CAPS2: variants seen among roughly 807,000 people sequenced by gnomAD.
The protein encoded by CAPS2 is calcyphosin-2.
A neutral mutation model predicts 86.5 loss-of-function variants in CAPS2; 98 were observed. That is an observed-to-expected ratio of 1.13 (90% CI 0.96 to 1.34). CAPS2 has a LOEUF of 1.34. Among genes scored for constraint, CAPS2 ranks in the 40% most tolerant of loss-of-function variants. The probability of loss-of-function intolerance (pLI) is 0.00; values close to 1 mark genes in which losing one functional copy is unlikely to be tolerated. For synonymous variants in CAPS2, 210 were observed against 225.1 expected (o/e 0.93, Z 0.60); for missense variants, 729 against 686.8 (o/e 1.06, Z -0.69).
chr12:75,349,133 G>A lies in CAPS2; in HGVS notation c.-394-25911C>T, dbSNP rs1030474219. 1.8e-4 allele frequency among the ~76,000 whole-genome samples: 27 copies of A among 152,226 alleles called. 1 individual carries two copies. The highest frequency in any genetic ancestry group is 1.0e-3 in the South Asian group (5 of 4,812). On this transcript the variant is annotated intron_variant, in intron 1 of 5. Coordinates refer to the CAPS2 transcript ENST00000551829. The stretch of plus-strand genomic sequence containing the variant: ...CTAGAGTATTGATTAACACATGCAC[G>A]TGAGGAAACAACTTCAGGCCAGGTT...
At chr12:75,375,577 C>G (rs1194495268) in intron 1 of CAPS2, among the ~76,000 whole-genome samples, 1 of 152,176 alleles carries the variant, frequency 6.6e-6, no homozygotes, top group East Asian at 1.9e-4. Flanking sequence ...TGGTTCAAGT[C>G]TGGAAACTGA....
intron 7 of CAPS2, chr12:75,305,631 A>G: frequency 1.6e-6 from 1 of 622,160 alleles, no homozygotes; most frequent in Non-Finnish European, 3.1e-6. Context: ...GCTCAGCAGC[A>G]GGCCGCGGAG....
At chr12:75,334,915 C>A (rs768312266), upstream of CAPS2, 1 of 1,609,816 alleles carries the variant, frequency 6.2e-7, no homozygotes, top group Non-Finnish European at 8.5e-7. Flanking sequence ...GAGAAAGAAC[C>A]AGGGCTGGGC....
At chr12:75,294,569 C>A (rs1001812651) in intron 11 of CAPS2, among the ~76,000 whole-genome samples, 1 of 152,236 alleles carries the variant, frequency 6.6e-6, no homozygotes, top group East Asian at 1.9e-4. Flanking sequence ...AAGTGCAGAA[C>A]CATCTCCTGT....
At chr12:75,288,791 G>A (rs1264037049) in intron 14 of CAPS2, among the ~76,000 whole-genome samples, 1 of 151,960 alleles carries the variant, frequency 6.6e-6, no homozygotes, top group African/African-American at 2.4e-5. Flanking sequence ...TGTTAATAAA[G>A]AGCAGGAACA....
intron 1 of CAPS2, among the ~76,000 whole-genome samples, chr12:75,357,691 T>G (rs2043242754): frequency 6.6e-6 from 1 of 151,934 alleles, no homozygotes; most frequent in African/African-American, 2.4e-5. Flanking sequence ...AATTACAAAT[T>G]AACAGAAAAA....
chr12:75,370,133 T>C, intron 1 of CAPS2: 1 of 1,606,746 alleles, frequency 6.2e-7, no homozygotes, highest in Non-Finnish European at 8.5e-7. Flanking sequence ...CAGACAGCCT[T>C]TAATCCATTC....
At chr12:75,325,244 T>C in exon 2 of CAPS2, 1 of 1,549,466 alleles carries the variant, frequency 6.5e-7, no homozygotes, top group Non-Finnish European at 8.7e-7. Flanking sequence ...CTTACACTGG[T>C]GGGCAAGAAT....
intron 5 of CAPS2, among the ~76,000 whole-genome samples, chr12:75,318,794 C>T (rs565289208): frequency 4.6e-5 from 7 of 151,998 alleles, no homozygotes; most frequent in African/African-American, 1.7e-4. Flanking sequence ...CCATTTCCTT[C>T]CATTAGGATA....
intron 1 of CAPS2, among the ~76,000 whole-genome samples, chr12:75,325,912 A>C (rs193090253): frequency 9.8e-4 from 149 of 152,270 alleles, no homozygotes; most frequent in African/African-American, 3.3e-3. Context: ...AGAAAGTAAC[A>C]AACATGTATG....
chr12:75,384,349 A>C (rs2045168419), intron 1 of CAPS2, among the ~76,000 whole-genome samples: 1 of 152,188 alleles, frequency 6.6e-6, no homozygotes. Flanking sequence ...TAAACATTAA[A>C]AGGATAACTG....
downstream of CAPS2, chr12:75,276,362 A>G (rs915411618): frequency 1.0e-4 from 144 of 1,403,330 alleles, no homozygotes; most frequent in Non-Finnish European, 1.2e-4. Flanking sequence ...AATGTACACA[A>G]TTCTCTCCTG....
chr12:75,360,890 G>A (rs2043537346), intron 1 of CAPS2: 1 of 152,204 alleles, frequency 6.6e-6, no homozygotes, highest in African/African-American at 2.4e-5. Context: ...TCTAGGTGGA[G>A]GTTTCCAATC....
intron 11 of CAPS2, 117 bp from the exon 12 acceptor site, chr12:75,293,484 A>G: frequency 1.4e-6 from 1 of 704,514 alleles, no homozygotes; most frequent in Non-Finnish European, 2.4e-6. Context: ...TAACAAGGGT[A>G]AGAAGTATAT....
rs916611011 is a variant in CAPS2 at position 75,345,195 on chromosome 12, A to G, written c.-394-21973T>C. ...ACTCTCATAACTATGAGAGTGTATCAAACTTCTCCTGAGCCATAATCTAGA... is the reference window on the plus strand; with the variant it reads ...ACTCTCATAACTATGAGAGTGTATCGAACTTCTCCTGAGCCATAATCTAGA... On this transcript the variant is annotated intron_variant, in intron 1 of 5. Transcript: ENST00000551829. 1.2e-4 allele frequency among the ~76,000 whole-genome samples: 18 copies of G among 152,068 alleles called. 1 individual carries two copies. The highest frequency in any genetic ancestry group is 9.2e-4 in the Admixed American group (14 of 15,278).
upstream of CAPS2, among the ~76,000 whole-genome samples, chr12:75,328,584 T>C (rs186332072): frequency 2.0e-5 from 3 of 152,232 alleles, no homozygotes; most frequent in Admixed American, 6.5e-5. Context: ...AGTAAATTAA[T>C]GTATAGCAAA....
intron 1 of CAPS2, among the ~76,000 whole-genome samples, chr12:75,377,884 T>G (rs971909587): frequency 2.6e-5 from 4 of 151,226 alleles, no homozygotes; most frequent in Non-Finnish European, 4.4e-5. Flanking sequence ...TGTCTATATA[T>G]ATATAAAATA....
intron 1 of CAPS2, among the ~76,000 whole-genome samples, chr12:75,342,401 C>A (rs756701194): frequency 6.6e-6 from 1 of 151,876 alleles, no homozygotes; most frequent in Admixed American, 6.5e-5. Flanking sequence ...TACACAGGAC[C>A]CCTGTGTATT....
At chr12:75,290,401 TA>T (rs1324628965) in intron 13 of CAPS2, among the ~76,000 whole-genome samples, 1 of 152,200 alleles carries the variant, frequency 6.6e-6, no homozygotes, top group Non-Finnish European at 1.5e-5. Flanking sequence ...AATAGATTGG[TA>T]ACTTTACTAA....
Sources: allele counts gnomAD v4.1 joint callset (sites outside exome capture counted in the v4.1 genomes callset), GRCh38; gene constraint gnomAD v4.1.1; transcripts MANE v1.5; gene names NCBI Gene and HGNC (gene_info 2026-07-23, HGNC 2026-07-21).